The following VPS37A variants were observed in gnomAD, a reference collection of about 807,000 sequenced individuals.
VPS37A encodes the protein VPS37A subunit of ESCRT-I.
Under a neutral mutation model 49.8 loss-of-function variants are expected in VPS37A, and 30 were observed. The observed-to-expected ratio is 0.60, with a 90% CI of 0.45 to 0.82. The LOEUF is 0.82. Ranked by LOEUF, VPS37A falls within the 40% of genes least tolerant of loss-of-function variation. The pLI, the probability that VPS37A is intolerant of heterozygous loss-of-function variation, is 0.00. For synonymous variants in VPS37A, 195 were observed against 160.6 expected (o/e 1.21, Z -1.62); for missense variants, 593 against 464.4 (o/e 1.28, Z -2.55).
chr8:17,300,124 C>T (rs376791845), downstream of VPS37A: 46 of 1,614,016 alleles, frequency 2.9e-5, no homozygotes, highest in Non-Finnish European at 3.6e-5. Flanking sequence ...GTTGGCTATG[C>T]TGTTGTCTGA....
rs1193595010 is a variant in VPS37A at position 17,247,020 on chromosome 8, C to T, written c.-225C>T. On this transcript the variant is annotated 5_prime_UTR_variant, in exon 1 of 12. Coordinates refer to ENST00000324849, the MANE Select transcript of VPS37A (RefSeq NM_152415.3). The stretch of plus-strand genomic sequence containing the variant: ...GTCTGGGCCGTGAAGGTGGGACCTC[C>T]TGTTCCGGGCCGCAAGTTTCCCTCT... 1.7e-6 allele frequency: 1 copy of T among 599,434 alleles called. No individual in the cohort carries two copies. Among genetic ancestry groups the T allele is most frequent in the Non-Finnish European group, 2.9e-6 (1 of 344,644 alleles). 37.1% of individuals were successfully genotyped at this position (599,434 alleles called of 1,614,324 possible). A position where few individuals can be genotyped will look rare whatever the true frequency, so the allele number is the denominator to read the frequency against.
chr8:17,333,017 A>G, the VPS37A span, among the ~76,000 whole-genome samples: 1 of 152,178 alleles, frequency 6.6e-6, no homozygotes, highest in African/African-American at 2.4e-5. Flanking sequence ...AATAATAGAA[A>G]TAAAGTATAT....
intron 11 of VPS37A, among the ~76,000 whole-genome samples, chr8:17,288,855 A>T (rs895305149): frequency 2.6e-5 from 4 of 152,266 alleles, no homozygotes; most frequent in African/African-American, 7.2e-5. Context: ...AGGTGTTCCT[A>T]TTTCTCCACA....
At chr8:17,288,925 C>T (rs190949918) in intron 11 of VPS37A, among the ~76,000 whole-genome samples, 2 of 152,244 alleles carry the variant, frequency 1.3e-5, no homozygotes, top group Admixed American at 1.3e-4. Context: ...ACTGGTGTGA[C>T]ATGGTATCTC....
intron 1 of VPS37A, among the ~76,000 whole-genome samples, chr8:17,263,783 A>AAT (rs1344088881): frequency 6.6e-6 from 1 of 151,928 alleles, no homozygotes; most frequent in African/African-American, 2.4e-5. Context: ...TTATCTACAA[A>AAT]ATATATATAT....
chr8:17,283,134 A>C (rs1444674947), intron 9 of VPS37A, among the ~76,000 whole-genome samples: 1 of 152,120 alleles, frequency 6.6e-6, no homozygotes, highest in Non-Finnish European at 1.5e-5. Flanking sequence ...TTTATGAGTC[A>C]CAAAGAGATA....
intron 1 of VPS37A, among the ~76,000 whole-genome samples, chr8:17,263,887 GC>G (rs1312499715): frequency 6.6e-6 from 1 of 152,122 alleles, no homozygotes; most frequent in East Asian, 1.9e-4. Context: ...ATTCTAGTGA[GC>G]CAAGATCGTG....
intron 11 of VPS37A, among the ~76,000 whole-genome samples, chr8:17,293,559 C>T (rs897241130): frequency 2.0e-5 from 3 of 152,082 alleles, no homozygotes; most frequent in African/African-American, 7.2e-5. Flanking sequence ...GAATTTTCAG[C>T]CTTTTTGCAC....
At chr8:17,307,338 A>G (rs1216935149), downstream of VPS37A, among the ~76,000 whole-genome samples, 7 of 152,314 alleles carry the variant, frequency 4.6e-5, no homozygotes, top group East Asian at 1.4e-3. Flanking sequence ...ACAATGATAC[A>G]CCATCTCACA....
At chr8:17,268,784 G>A (rs1813709733) in intron 3 of VPS37A, 72 bp from the exon 4 acceptor site, 1 of 998,936 alleles carries the variant, frequency 1.0e-6, no homozygotes, top group South Asian at 1.5e-5. Context: ...TATTTAGAGT[G>A]ACATTATCCT....
intron 1 of VPS37A, among the ~76,000 whole-genome samples, chr8:17,257,571 C>G (rs1292350483): frequency 2.0e-5 from 3 of 152,120 alleles, no homozygotes; most frequent in Non-Finnish European, 4.4e-5. Flanking sequence ...ACCACCATGG[C>G]ACGTGTATAC....
chr8:17,312,062 G>A, the VPS37A span, among the ~76,000 whole-genome samples: 2 of 152,088 alleles, frequency 1.3e-5, no homozygotes, highest in Admixed American at 6.5e-5. Flanking sequence ...TAAATAAAAG[G>A]TAAGCGTCAA....
the VPS37A span, among the ~76,000 whole-genome samples, chr8:17,317,213 A>G: frequency 6.6e-6 from 1 of 152,160 alleles, no homozygotes; most frequent in Non-Finnish European, 1.5e-5. Flanking sequence ...ATCCATTCAC[A>G]TGTAAGAGCA....
At chr8:17,319,881 T>C in the VPS37A span, among the ~76,000 whole-genome samples, 1 of 152,210 alleles carries the variant, frequency 6.6e-6, no homozygotes, top group African/African-American at 2.4e-5. Flanking sequence ...GGTTGTGCTT[T>C]CTATCACTTA....
intron 1 of VPS37A, among the ~76,000 whole-genome samples, chr8:17,265,596 A>G (rs556489694): frequency 4.7e-4 from 71 of 152,308 alleles, no homozygotes; most frequent in South Asian, 2.9e-3. Flanking sequence ...AGAGCACACA[A>G]TTGCTTCTGC....
chr8:17,317,476 T>A, the VPS37A span, among the ~76,000 whole-genome samples: 5 of 152,154 alleles, frequency 3.3e-5, no homozygotes, highest in Non-Finnish European at 5.9e-5. Context: ...TTAACCCCTG[T>A]TTTTGGCCTG....
At position 17,296,848 on chromosome 8, in the gene VPS37A, T is replaced by C. The variant is rs1281836135; in HGVS notation, c.*1862T>C. ...AAGTTGAACTATCCCAGTTTCATTC[T>C]ATACCATTCATTGGATAACCTTGTT... is the stretch of plus-strand genomic sequence containing the variant. On this transcript the variant is annotated 3_prime_UTR_variant, in exon 12 of 12. Transcript: ENST00000324849. 6.6e-6 allele frequency: 1 copy of C among 152,232 alleles called. No homozygotes were observed. The highest frequency in any genetic ancestry group is 1.9e-4 in the East Asian group (1 of 5,196). 9.4% of individuals were successfully genotyped at this position (152,232 alleles called of 1,614,324 possible). A position where few individuals can be genotyped will look rare whatever the true frequency, so the allele number is the denominator to read the frequency against.
the VPS37A span, among the ~76,000 whole-genome samples, chr8:17,319,274 A>G: frequency 1.8e-4 from 27 of 152,316 alleles, no homozygotes; most frequent in Admixed American, 3.3e-4. Flanking sequence ...CACCTTCCTC[A>G]AACAGTTGTG....
the VPS37A span, among the ~76,000 whole-genome samples, chr8:17,317,514 G>T: frequency 6.7e-6 from 1 of 148,200 alleles, no homozygotes; most frequent in Admixed American, 6.6e-5. Flanking sequence ...TTCCAGCTTT[G>T]CCTGGTACTC....
Sources: gnomAD v4.1 joint callset for allele counts (sites outside exome capture counted in the v4.1 genomes callset) on GRCh38, gnomAD v4.1.1 for gene constraint, MANE v1.5 for transcripts, NCBI Gene and HGNC (gene_info 2026-07-23, HGNC 2026-07-21) for gene names.